CPXM2: variants seen among roughly 807,000 people sequenced by gnomAD.
CPXM2 encodes the protein carboxypeptidase X, M14 family member 2.
A neutral mutation model predicts 86.1 loss-of-function variants in CPXM2; 66 were observed. The ratio of observed to expected loss-of-function variants is 0.77; its 90% CI spans 0.63 to 0.94. The LOEUF (loss-of-function observed/expected upper bound fraction) is 0.94, where lower values mean the gene tolerates loss of function less well. CPXM2 is among the 40% of genes least tolerant of loss of function. CPXM2 has a pLI of 0.00. For missense variants in CPXM2, 948 were observed against 1,026.3 expected (o/e 0.92, Z 1.04); for synonymous variants, 388 against 400.2 (o/e 0.97, Z 0.36).
chr10:123,930,578 T>C (rs1021309382), intron 2 of CPXM2, among the ~76,000 whole-genome samples: 1 of 152,204 alleles, frequency 6.6e-6, no homozygotes, highest in Non-Finnish European at 1.5e-5. Flanking sequence ...CATCAGGACC[T>C]CCAAGTGCAT....
intron 13 of CPXM2, chr10:123,750,359 G>A (rs192192183): frequency 6.9e-5 from 67 of 970,320 alleles, no homozygotes; most frequent in Non-Finnish European, 8.0e-5. Context: ...GCTCCCAGCC[G>A]GCCTCTCTCC....
intron 2 of CPXM2, among the ~76,000 whole-genome samples, chr10:123,935,725 C>T (rs1237367699): frequency 6.6e-6 from 1 of 152,080 alleles, no homozygotes; most frequent in Non-Finnish European, 1.5e-5. Context: ...AAAGATCCAG[C>T]CAGAAATACA....
intron 2 of CPXM2, among the ~76,000 whole-genome samples, chr10:123,900,042 C>CA (rs1031723066): frequency 6.6e-5 from 10 of 152,020 alleles, no homozygotes; most frequent in African/African-American, 1.9e-4. Context: ...CAATGTCTAA[C>CA]AAAAAAAATT....
chr10:123,784,135 G>C (rs7899807), intron 6 of CPXM2, among the ~76,000 whole-genome samples: 1,611 of 152,282 alleles, frequency 0.011, 18 homozygotes, highest in African/African-American at 0.034. Flanking sequence ...TTCAAGTGAA[G>C]TCATTAAGTG....
chr10:123,918,409 A>G (rs1279800081), intron 2 of CPXM2, among the ~76,000 whole-genome samples: 1 of 152,224 alleles, frequency 6.6e-6, no homozygotes, highest in Non-Finnish European at 1.5e-5. Flanking sequence ...TAAAATAACT[A>G]TCAGAGTACT....
chr10:123,907,904 G>GA (rs1252151761), intron 2 of CPXM2, among the ~76,000 whole-genome samples: 3 of 150,898 alleles, frequency 2.0e-5, no homozygotes, highest in Non-Finnish European at 3.0e-5. Flanking sequence ...ATTTTAAAAA[G>GA]AAAAAAGGAA....
At chr10:123,828,769 T>C (rs556169494) in intron 4 of CPXM2, among the ~76,000 whole-genome samples, 3 of 152,304 alleles carry the variant, frequency 2.0e-5, no homozygotes, top group Admixed American at 2.0e-4. Flanking sequence ...ATAAAACTTG[T>C]AGAAGATAAA....
intron 2 of CPXM2, among the ~76,000 whole-genome samples, chr10:123,930,164 A>G (rs1945655211): frequency 2.0e-5 from 3 of 151,208 alleles, no homozygotes; most frequent in Admixed American, 2.0e-4. Context: ...TGATAGCTTG[A>G]GTTCTCAGCT....
rs1390378070 is a variant in CPXM2 at position 123,780,154 on chromosome 10, A to G, written c.978+13T>C. The G allele has an allele frequency of 6.5e-7, 1 of 1,546,786 alleles. No individual in the cohort carries two copies. Among genetic ancestry groups the G allele is most frequent in the South Asian group, 1.1e-5 (1 of 89,654 alleles). On this transcript the variant is annotated intron_variant, in intron 7 of 13. Transcript: ENST00000241305. ...CAAATTCCTGGCATGAGGCTTTGTG[A>G]TCTGGGTCTTACCTGGCGCATTTCC... is the stretch of plus-strand genomic sequence containing the variant.
intron 3 of CPXM2, among the ~76,000 whole-genome samples, chr10:123,856,890 C>A (rs1242786778): frequency 6.6e-6 from 1 of 152,166 alleles, no homozygotes; most frequent in African/African-American, 2.4e-5. Flanking sequence ...CCGCACCTAG[C>A]CCTAAGCATG....
rs533307602 is a variant in CPXM2, at chr10:123,842,234, C to T, written c.653+115G>A. 10 of 1,377,706 alleles carry T rather than the reference C, an allele frequency of 7.3e-6. No individual in the cohort carries two copies. In the African/African-American group the frequency reaches 1.4e-4, roughly 20 times the overall value. The allele number at this position is 1,377,706 out of a possible 1,614,324, so 85.3% of individuals were successfully genotyped here. A position where few individuals can be genotyped will look rare whatever the true frequency, so the allele number is the denominator to read the frequency against. On this transcript the variant is annotated intron_variant, in intron 4 of 13. Coordinates refer to ENST00000241305, the MANE Select transcript of CPXM2 (RefSeq NM_198148.3). ...CCTGTTCATATTCCAATTTTCTCCT[C>T]TTCTACTGCCCATCACCAAACACCT...
chr10:123,751,474 C>G (rs1846074972), intron 13 of CPXM2: 2 of 982,136 alleles, frequency 2.0e-6, no homozygotes, highest in Non-Finnish European at 2.4e-6. Context: ...ATTTCTCCCG[C>G]CACCCTGACA....
intron 3 of CPXM2, among the ~76,000 whole-genome samples, chr10:123,861,159 G>T (rs1287288289): frequency 6.6e-6 from 1 of 152,280 alleles, no homozygotes; most frequent in African/African-American, 2.4e-5. Context: ...GGAGTCAGGG[G>T]TCCACTCTGC....
rs1342444281 is a variant in CPXM2, at chr10:123,881,233, CTT to C, written c.305-926_305-925del. ...GTTCCTTCTCCTGGAGCACCCTTCTCTTCCCTTCCCTTCCCTTCCCTTCCCTT... is the reference window on the plus strand; with the variant it reads ...GTTCCTTCTCCTGGAGCACCCTTCTCCCCTTCCCTTCCCTTCCCTTCCCTT... On this transcript the variant is annotated intron_variant, in intron 1 of 13. Transcript: ENST00000241305. 1.1e-3 allele frequency among the ~76,000 whole-genome samples: 93 copies of C among 85,080 alleles called. 26 individuals are homozygous for C. The highest frequency in any genetic ancestry group is 5.3e-3 in the Middle Eastern group (1 of 188). 55.8% of individuals were successfully genotyped at this position (85,080 alleles called of 152,430 possible).
chr10:123,847,629 C>T (rs1204977392), intron 3 of CPXM2, among the ~76,000 whole-genome samples: 4 of 151,904 alleles, frequency 2.6e-5, no homozygotes, highest in East Asian at 3.8e-4. Context: ...AGTCAGGGGC[C>T]GGGTGGAATG....
chr10:123,918,921 G>T (rs941267150), intron 2 of CPXM2, among the ~76,000 whole-genome samples: 1 of 152,240 alleles, frequency 6.6e-6, no homozygotes, highest in Non-Finnish European at 1.5e-5. Context: ...CACAGAGAGT[G>T]CATGAAAACA....
chr10:123,749,400 C>G (rs1846027960), intron 13 of CPXM2, among the ~76,000 whole-genome samples: 3 of 152,126 alleles, frequency 2.0e-5, no homozygotes, highest in African/African-American at 4.8e-5. Flanking sequence ...TAATAAGAAG[C>G]CTTTGTGATT....
intron 3 of CPXM2, among the ~76,000 whole-genome samples, chr10:123,855,278 AT>A (rs1564799534): frequency 6.6e-6 from 1 of 152,172 alleles, no homozygotes; most frequent in African/African-American, 2.4e-5. Context: ...TACTGTGATT[AT>A]TTTTGCCTCT....
chr10:123,899,594 A>C (rs978872098), intron 2 of CPXM2, among the ~76,000 whole-genome samples: 1 of 152,190 alleles, frequency 6.6e-6, no homozygotes, highest in African/African-American at 2.4e-5. Context: ...AGGTGAGAGG[A>C]TCACTTAAGC....
Sources: gnomAD v4.1 joint callset for allele counts (sites outside exome capture counted in the v4.1 genomes callset) on GRCh38, gnomAD v4.1.1 for gene constraint, MANE v1.5 for transcripts, NCBI Gene and HGNC (gene_info 2026-07-23, HGNC 2026-07-21) for gene names.